Variants in MALRD1 observed in about 807,000 individuals in gnomAD.
MALRD1 encodes the protein MAM and LDL receptor class A domain containing 1, also known as MAM and LDL-receptor class A domain-containing protein 1.
Under a neutral mutation model 242.1 loss-of-function variants are expected in MALRD1, and 247 were observed. That is an observed-to-expected ratio of 1.02 (90% confidence interval 0.92 to 1.13). MALRD1 has a LOEUF of 1.13. Among genes scored for constraint, MALRD1 ranks in the 50% most tolerant of loss-of-function variants. The pLI is 0.00. For synonymous variants in MALRD1, 995 were observed against 866.6 expected (o/e 1.15, Z -2.60); for missense variants, 2,989 against 2,533.1 (o/e 1.18, Z -3.86).
At chr10:19,615,834 G>T in intron 35 of MALRD1, 23 bp from the exon 36 acceptor site, 1 of 1,501,450 alleles carries the variant, frequency 6.7e-7, no homozygotes, top group Non-Finnish European at 8.9e-7. Context: ...ATTAACTGGT[G>T]TCTTTGTGAT....
intron 18 of MALRD1, among the ~76,000 whole-genome samples, chr10:19,251,601 A>G (rs1203348641): frequency 2.0e-5 from 3 of 151,880 alleles, no homozygotes; most frequent in Admixed American, 1.3e-4. Flanking sequence ...ATAGTGGCAA[A>G]TTTACTCATT....
In MALRD1 at chr10:19,242,813, T is replaced by C. The variant is rs1838851022; in HGVS notation, c.2992-14871T>C. ...CATCTCTTCACTTTCAGTCTATTTG[T>C]CTTTAATAGTGAGGTAAGTATCATG... On this transcript the variant is annotated intron_variant, in intron 18 of 39. Coordinates refer to ENST00000454679, the MANE Select transcript of MALRD1 (RefSeq NM_001142308.3). Among the ~76,000 whole-genome samples, 3 of 152,104 alleles carry C rather than the reference T, an allele frequency of 2.0e-5. No individual in the cohort carries two copies. The South Asian group carries it at 6.2e-4, about 31-fold the overall frequency.
At chr10:19,137,613 A>C (rs968473585) in intron 10 of MALRD1, among the ~76,000 whole-genome samples, 5 of 149,726 alleles carry the variant, frequency 3.3e-5, no homozygotes, top group Non-Finnish European at 7.4e-5. Flanking sequence ...GTCTGAAAAA[A>C]AAAAAAAAAA....
At chr10:19,553,787 C>T (rs1210925080) in intron 32 of MALRD1, among the ~76,000 whole-genome samples, 1 of 152,158 alleles carries the variant, frequency 6.6e-6, no homozygotes, top group Non-Finnish European at 1.5e-5. Context: ...CAGTGATACA[C>T]GTGAGATTCT....
At chr10:19,177,984 C>G in intron 14 of MALRD1, among the ~76,000 whole-genome samples, 1 of 152,182 alleles carries the variant, frequency 6.6e-6, no homozygotes, top group South Asian at 2.1e-4. Flanking sequence ...TGACCTTGCT[C>G]CTGGGGTACC....
In MALRD1 at chr10:19,554,294, C is replaced by T. The variant is rs923969917; in HGVS notation, c.5479-13208C>T. 5.3e-5 allele frequency among the ~76,000 whole-genome samples: 8 copies of T among 152,012 alleles called. No individual in the cohort carries two copies. The East Asian group carries it at 5.8e-4, about 11-fold the overall frequency. On this transcript the variant is annotated intron_variant, in intron 32 of 39. Coordinates refer to ENST00000454679, the MANE Select transcript of MALRD1 (RefSeq NM_001142308.3). ...GGAAGTTTCCAATCATTGTAGAAGG[C>T]GAACGGGTAGCAGGCAATGTCACGT...
chr10:19,469,304 TTTCTC>T (rs1253759667), intron 29 of MALRD1, among the ~76,000 whole-genome samples: 2 of 152,190 alleles, frequency 1.3e-5, no homozygotes, highest in East Asian at 3.8e-4. Flanking sequence ...ATTACATACT[TTTCTC>T]TTCTGCTAGA....
At chr10:19,143,321 G>A (rs965351400) in intron 10 of MALRD1, among the ~76,000 whole-genome samples, 1 of 152,176 alleles carries the variant, frequency 6.6e-6, no homozygotes. Context: ...GAGGGTGTGG[G>A]ATGCATCAGT....
At chr10:19,154,089 T>A (rs549551742) in intron 11 of MALRD1, among the ~76,000 whole-genome samples, 1 of 152,314 alleles carries the variant, frequency 6.6e-6, no homozygotes, top group South Asian at 2.1e-4. Context: ...CTTGCTCGCA[T>A]GCACTGTTTC....
At chr10:19,193,134 C>T (rs1468783235) in intron 14 of MALRD1, among the ~76,000 whole-genome samples, 2 of 152,110 alleles carry the variant, frequency 1.3e-5, no homozygotes, top group Non-Finnish European at 2.9e-5. Flanking sequence ...ATACTGTATG[C>T]CCCACAATGA....
intron 33 of MALRD1, among the ~76,000 whole-genome samples, chr10:19,580,183 A>T (rs1837041592): frequency 6.6e-6 from 1 of 152,022 alleles, no homozygotes; most frequent in African/African-American, 2.4e-5. Flanking sequence ...ACTTTTACCT[A>T]TGTTTTAGAT....
chr10:19,262,461 G>A (rs376388623), intron 19 of MALRD1, among the ~76,000 whole-genome samples: 1 of 151,880 alleles, frequency 6.6e-6, no homozygotes, highest in African/African-American at 2.4e-5. Context: ...TTCAACACCA[G>A]CCTGGTCAAC....
intron 11 of MALRD1, 113 bp downstream of exon 11, chr10:19,146,457 T>A: frequency 1.0e-6 from 1 of 956,938 alleles, no homozygotes; most frequent in Non-Finnish European, 1.4e-6. Flanking sequence ...GAACTCTGGT[T>A]TGTCTTGCTT....
chr10:19,731,432 T>C (rs902804630), intron 39 of MALRD1, among the ~76,000 whole-genome samples: 2 of 152,180 alleles, frequency 1.3e-5, no homozygotes, highest in African/African-American at 4.8e-5. Context: ...TAGGTATACA[T>C]TGTGAAGTGA....
At chr10:19,634,644 T>G (rs1840046937) in intron 36 of MALRD1, among the ~76,000 whole-genome samples, 1 of 152,124 alleles carries the variant, frequency 6.6e-6, no homozygotes, top group South Asian at 2.1e-4. Flanking sequence ...AAAATACACA[T>G]GGGCTAAGCT....
intron 28 of MALRD1, among the ~76,000 whole-genome samples, chr10:19,402,888 A>G (rs554554121): frequency 2.0e-5 from 3 of 152,146 alleles, no homozygotes; most frequent in Non-Finnish European, 4.4e-5. Flanking sequence ...TCCAGATTGA[A>G]TATTTTCCCT....
intron 36 of MALRD1, among the ~76,000 whole-genome samples, chr10:19,657,699 A>G (rs1841226668): frequency 6.6e-6 from 1 of 152,194 alleles, no homozygotes; most frequent in Non-Finnish European, 1.5e-5. Context: ...ATAAACAACC[A>G]ATTATACTCT....
intron 33 of MALRD1, among the ~76,000 whole-genome samples, chr10:19,583,819 C>T (rs1837251356): frequency 6.6e-6 from 1 of 151,896 alleles, no homozygotes; most frequent in South Asian, 2.1e-4. Flanking sequence ...CTCCTTGTAC[C>T]TCTGGTAGAA....
At chr10:19,513,045 T>A (rs1833472222) in intron 31 of MALRD1, among the ~76,000 whole-genome samples, 1 of 152,198 alleles carries the variant, frequency 6.6e-6, no homozygotes, top group Admixed American at 6.5e-5. Flanking sequence ...ATAGATAATT[T>A]GAGTTGGGTC....
Sources: allele counts gnomAD v4.1 joint callset (sites outside exome capture counted in the v4.1 genomes callset), GRCh38; gene constraint gnomAD v4.1.1; transcripts MANE v1.5; gene names NCBI Gene and HGNC (gene_info 2026-07-23, HGNC 2026-07-21).